The following NAV1 variants were observed in gnomAD, a reference collection of about 807,000 sequenced individuals.
The protein encoded by NAV1 is neuron navigator 1, also known as pore membrane and/or filament interacting like protein 3.
In NAV1, 18 loss-of-function variants were observed where a neutral mutation model predicts 175.2. The ratio of observed to expected loss-of-function variants is 0.10; its 90% CI spans 0.07 to 0.15. The LOEUF is 0.15. Among genes scored for constraint, NAV1 ranks in the 10% least tolerant of loss-of-function variants. The pLI is 1.00. For synonymous variants in NAV1, 897 were observed against 978.7 expected, an observed-to-expected ratio of 0.92 and a Z score of 1.56; for missense variants, 1,731 against 2,436.6, an observed-to-expected ratio of 0.71 and a Z score of 6.10.
chr1:201,786,091 C>T (rs548090506), intron 8 of NAV1, among the ~76,000 whole-genome samples: 3 of 152,246 alleles, frequency 2.0e-5, no homozygotes, highest in Admixed American at 1.3e-4. Context: ...CTGTGCCTGA[C>T]CGACTCTTGC....
At chr1:201,550,317 G>A (rs183587081) in intron 1 of NAV1, among the ~76,000 whole-genome samples, 11 of 151,934 alleles carry the variant, frequency 7.2e-5, no homozygotes, top group East Asian at 5.9e-4. Flanking sequence ...GACCACAGGC[G>A]CCCGCCACCA....
intron 2 of NAV1, among the ~76,000 whole-genome samples, chr1:201,609,948 G>A (rs1034304566): frequency 2.0e-5 from 3 of 152,204 alleles, no homozygotes; most frequent in African/African-American, 2.4e-5. Flanking sequence ...ATACCCTTGT[G>A]GCTTAGAACT....
At chr1:201,729,301 G>A (rs780351156) in intron 3 of NAV1, among the ~76,000 whole-genome samples, 2 of 152,216 alleles carry the variant, frequency 1.3e-5, no homozygotes, top group East Asian at 1.9e-4. Context: ...GCAAGAATAC[G>A]AATACGGCAA....
chr1:201,549,492 C>T (rs987522874), intron 1 of NAV1, among the ~76,000 whole-genome samples: 16 of 152,194 alleles, frequency 1.1e-4, no homozygotes, highest in Admixed American at 6.5e-5. Context: ...TACAGGCATG[C>T]GCCAACGCGC....
chr1:201,705,452 C>T (rs987066527), intron 1 of NAV1, among the ~76,000 whole-genome samples: 1 of 152,154 alleles, frequency 6.6e-6, no homozygotes, highest in Non-Finnish European at 1.5e-5. Flanking sequence ...TGCCATTGAG[C>T]GCTGGGCTCC....
At chr1:201,553,188 G>A (rs1665913689) in intron 1 of NAV1, among the ~76,000 whole-genome samples, 1 of 152,248 alleles carries the variant, frequency 6.6e-6, no homozygotes, top group African/African-American at 2.4e-5. Context: ...CCAAAATACA[G>A]GCTGGGGCCA....
intron 3 of NAV1, among the ~76,000 whole-genome samples, chr1:201,742,509 A>G (rs1226323949): frequency 1.3e-5 from 2 of 152,112 alleles, no homozygotes; most frequent in African/African-American, 2.4e-5. Flanking sequence ...CTCAAACATT[A>G]TGGTCTCTCC....
chr1:201,630,629 C>T (rs1473953327), intron 2 of NAV1, among the ~76,000 whole-genome samples: 1 of 152,222 alleles, frequency 6.6e-6, no homozygotes, highest in African/African-American at 2.4e-5. Context: ...CTCATTCTTC[C>T]ATGACAAGCC....
At chr1:201,564,448 C>T (rs754390456) in intron 1 of NAV1, among the ~76,000 whole-genome samples, 2 of 152,138 alleles carry the variant, frequency 1.3e-5, no homozygotes, top group African/African-American at 2.4e-5. Context: ...AACCCCGTCT[C>T]TACTAAAAAT....
intron 2 of NAV1, among the ~76,000 whole-genome samples, chr1:201,634,999 G>C (rs543221424): frequency 6.6e-6 from 1 of 152,158 alleles, no homozygotes; most frequent in South Asian, 2.1e-4. Context: ...CAACTCCAGA[G>C]GAAATTCATA....
intron 1 of NAV1, among the ~76,000 whole-genome samples, chr1:201,709,843 C>T (rs929982134): frequency 3.9e-5 from 6 of 152,196 alleles, no homozygotes; most frequent in African/African-American, 7.2e-5. Flanking sequence ...TTCTTCCATT[C>T]GCATCTCTGT....
chr1:201,797,775 T>C (rs541216329), intron 15 of NAV1: 4 of 152,354 alleles, frequency 2.6e-5, no homozygotes, highest in Middle Eastern at 3.4e-3. Context: ...AATTTCTCTT[T>C]TGAGTTATAG....
chr1:201,751,028 C>G (rs1320896989), intron 3 of NAV1, among the ~76,000 whole-genome samples: 1 of 152,136 alleles, frequency 6.6e-6, no homozygotes, highest in East Asian at 1.9e-4. Context: ...GCCAAAAGTC[C>G]TAGACTGATC....
At chr1:201,650,617 G>T (rs1238982003) in intron 1 of NAV1, among the ~76,000 whole-genome samples, 1 of 152,236 alleles carries the variant, frequency 6.6e-6, no homozygotes, top group Non-Finnish European at 1.5e-5. Context: ...GCAAGAGCTC[G>T]CCGGGCGGCC....
intron 1 of NAV1, among the ~76,000 whole-genome samples, chr1:201,708,519 C>T (rs1306217901): frequency 6.6e-6 from 1 of 152,066 alleles, no homozygotes; most frequent in Non-Finnish European, 1.5e-5. Flanking sequence ...TAAGACAGCA[C>T]GCACTCCCAG....
chr1:201,789,689 C>G (rs766309148), intron 10 of NAV1, 51 bp from the exon 15 acceptor site: 3 of 1,569,310 alleles, frequency 1.9e-6, no homozygotes, highest in Non-Finnish European at 2.6e-6. Flanking sequence ...TCCAAAAACC[C>G]CTTGTCCCTG....
intron 1 of NAV1, among the ~76,000 whole-genome samples, chr1:201,667,959 T>C (rs1669892785): frequency 6.6e-6 from 1 of 152,178 alleles, no homozygotes; most frequent in African/African-American, 2.4e-5. Flanking sequence ...CCAGTCTCAC[T>C]GGCCAGAGTC....
In NAV1 at chr1:201,704,964, G is replaced by A. The variant is rs114146137; in HGVS notation, c.758-7853G>A. Among the ~76,000 whole-genome samples, 774 of 152,272 alleles carry A rather than the reference G, an allele frequency of 5.1e-3. 9 individuals carry two copies. Among genetic ancestry groups the A allele is most frequent in the African/African-American group, 0.017 (711 of 41,544 alleles). On this transcript the variant is annotated intron_variant, in intron 1 of 29. Transcript: ENST00000367296. ...TAGCTCCCACAGCTAAGTCATGTGT[G>A]CCCCCAAGCTAGAACTCTAAAAATT...
At chr1:201,601,061 C>G (rs1667498199) in intron 2 of NAV1, among the ~76,000 whole-genome samples, 1 of 152,242 alleles carries the variant, frequency 6.6e-6, no homozygotes, top group Admixed American at 6.5e-5. Context: ...CCCGTCTCAT[C>G]TAGCTCCAGG....
Sources: gnomAD v4.1 joint callset for allele counts (sites outside exome capture counted in the v4.1 genomes callset) on GRCh38, gnomAD v4.1.1 for gene constraint, MANE v1.5 for transcripts, NCBI Gene and HGNC (gene_info 2026-07-23, HGNC 2026-07-21) for gene names.